KPRP: variants seen among roughly 807,000 people sequenced by gnomAD.
The protein encoded by KPRP is keratinocyte proline-rich protein.
For missense variants in KPRP, 820 were observed against 746.4 expected (o/e 1.10, Z -1.15); for synonymous variants, 282 against 276.9 (o/e 1.02, Z -0.18).
At chr1:152,761,369 ATGT>A in exon 1 of KPRP, 2 of 1,571,852 alleles carry the variant, frequency 1.3e-6, no homozygotes, top group Non-Finnish European at 8.6e-7. Context: ...TGCTCTGAAA[ATGT>A]TGTTCCTCCT....
exon 1 of KPRP, chr1:152,760,461 C>T (rs1651081130): frequency 6.2e-7 from 1 of 1,613,650 alleles, no homozygotes. Flanking sequence ...CTGAAGGTTT[C>T]CCTAACTACT....
chr1:152,761,012 G>C (rs186628909), exon 1 of KPRP: 3 of 1,612,532 alleles, frequency 1.9e-6, no homozygotes, highest in African/African-American at 2.7e-5. Context: ...CCTTGTCCAC[G>C]ACCAGAGCCA....
rs1198136245 is a variant in KPRP, at chr1:152,759,643, A to T, written c.55A>T (p.Lys19Ter). The change falls in exon 1 of 1, where the codon AAG becomes TAG. Residue 19 changes from lysine to a stop codon, truncating the protein, a stop_gained. Transcript: ENST00000606109. LOFTEE classifies it low-confidence loss of function (END_TRUNC). The stretch of plus-strand genomic sequence containing the variant: ...CCTGCCGCTCCAACAGTGCTGCGTC[A>T]AGGGTCCCTCCTTCTGCTCCTCTCA... 6.2e-7 allele frequency: 1 copy of T among 1,614,096 alleles called. No individual in the cohort carries two copies. Among genetic ancestry groups the T allele is most frequent in the South Asian group, 1.1e-5 (1 of 91,072 alleles).
At chr1:152,760,720 C>T (rs777255585) in exon 1 of KPRP, 1 of 1,614,050 alleles carries the variant, frequency 6.2e-7, no homozygotes, top group East Asian at 2.2e-5. Flanking sequence ...AGAGCCACGT[C>T]CACTCCCAAG....
At chr1:152,759,115 G>T (rs536665737), upstream of KPRP, among the ~76,000 whole-genome samples, 13 of 152,182 alleles carry the variant, frequency 8.5e-5, no homozygotes, top group African/African-American at 3.1e-4. Context: ...TCATATGTAC[G>T]TTCTTACATG....
exon 1 of KPRP, chr1:152,761,317 G>A: frequency 6.2e-7 from 1 of 1,612,530 alleles, no homozygotes; most frequent in Non-Finnish European, 8.5e-7. Flanking sequence ...AGCAAAGAGT[G>A]CTTATTTTTA....
At position 152,761,305 on chromosome 1, in the gene KPRP, G is replaced by T. The variant is rs761396577; in HGVS notation, c.1717G>T (p.Glu573Ter). Residue 573 changes from glutamate (E) to a stop codon, truncating the protein, a stop_gained, in exon 1 of 1, where the codon GAA (glutamate) becomes TAA (stop). Coordinates refer to ENST00000606109, the Ensembl canonical transcript of KPRP. LOFTEE classifies it high-confidence loss of function. ...CAATGCCTTTGCTGGAGTGAAAGGG[G>T]AAGCAAAGAGTGCTTATTTTTAAAG... 8.7e-6 allele frequency: 14 copies of T among 1,613,552 alleles called. No homozygotes were observed. In the African/African-American group the frequency reaches 1.9e-4, roughly 22 times the overall value.
exon 1 of KPRP, chr1:152,761,262 T>A: frequency 4.3e-6 from 7 of 1,614,134 alleles, no homozygotes; most frequent in Non-Finnish European, 5.9e-6. Flanking sequence ...GGGGTCAGGA[T>A]GGCCATGGAG....
exon 1 of KPRP, chr1:152,760,351 T>G: frequency 6.2e-7 from 1 of 1,614,182 alleles, no homozygotes; most frequent in South Asian, 1.1e-5. Flanking sequence ...CACCAGCAGA[T>G]GCCTTCCTCC....
rs772281400 is a variant in KPRP at position 152,760,273 on chromosome 1, C to T, written c.685C>T (p.Pro229Ser). 1.1e-5 allele frequency: 17 copies of T among 1,614,032 alleles called. 1 individual carries two copies. The South Asian group carries it at 1.5e-4, about 15-fold the overall frequency. The change falls in exon 1 of 1, where the codon CCC (proline) becomes TCC (serine). Residue 229 changes from proline to serine, a missense_variant. Physicochemically the swap from Pro to Ser is moderately conservative, Grantham distance 74 (BLOSUM62 -1). Coordinates refer to ENST00000606109, the Ensembl canonical transcript of KPRP. ...GTATCGGTCCCGGACTTCATTTAGTCCCTGTGTGCCCCAGTGCCAGACCCA... is the reference window on the plus strand; with the variant it reads ...GTATCGGTCCCGGACTTCATTTAGTTCCTGTGTGCCCCAGTGCCAGACCCA...
At chr1:152,760,725 C>T (rs1191021657) in exon 1 of KPRP, 2 of 1,613,968 alleles carry the variant, frequency 1.2e-6, no homozygotes, top group Non-Finnish European at 1.7e-6. Context: ...CACGTCCACT[C>T]CCAAGCTTCT....
exon 1 of KPRP, chr1:152,761,185 T>A (rs377626398): frequency 1.2e-6 from 2 of 1,614,128 alleles, no homozygotes; most frequent in East Asian, 2.2e-5. Flanking sequence ...CTGTGGCCCA[T>A]CCAGTTACAA....
chr1:152,759,629 A>G (rs113343037), exon 1 of KPRP: 1 of 1,614,034 alleles, frequency 6.2e-7, no homozygotes, highest in Non-Finnish European at 8.5e-7. Flanking sequence ...CTGCCGCTCC[A>G]ACAGTGCTGC....
upstream of KPRP, chr1:152,759,515 C>T: frequency 6.5e-7 from 1 of 1,537,282 alleles, no homozygotes; most frequent in South Asian, 1.3e-5. Context: ...TCCTGGCACC[C>T]CCTCTCCAAC....
At chr1:152,761,101 A>C in exon 1 of KPRP, 1 of 1,613,994 alleles carries the variant, frequency 6.2e-7, no homozygotes, top group Non-Finnish European at 8.5e-7. Context: ...CTGGGGCCCA[A>C]ATCCAGTTCC....
chr1:152,758,164 G>T (rs1488854192), upstream of KPRP, among the ~76,000 whole-genome samples: 2 of 152,204 alleles, frequency 1.3e-5, no homozygotes, highest in Non-Finnish European at 2.9e-5. Context: ...TAGGCACCAG[G>T]GAGGGCGAGG....
At chr1:152,759,954 C>G (rs757154193) in exon 1 of KPRP, 10 of 1,614,198 alleles carry the variant, frequency 6.2e-6, no homozygotes, top group Non-Finnish European at 8.5e-6. Context: ...ACGTGCAGTG[C>G]GAAGCGTCAC....
upstream of KPRP, chr1:152,759,416 T>A (rs376332452): frequency 2.1e-5 from 24 of 1,137,062 alleles, no homozygotes; most frequent in South Asian, 2.8e-4. Flanking sequence ...AACAGATTAA[T>A]CCTGGGTCGA....
chr1:152,758,381 AGG>A (rs1651006647), upstream of KPRP, among the ~76,000 whole-genome samples: 1 of 152,178 alleles, frequency 6.6e-6, no homozygotes. Context: ...TGTGTGTGGA[AGG>A]GTTACCTTCC....
Sources: allele counts gnomAD v4.1 joint callset (sites outside exome capture counted in the v4.1 genomes callset), GRCh38; gene constraint gnomAD v4.1.1; transcripts MANE v1.5; gene names NCBI Gene and HGNC (gene_info 2026-07-23, HGNC 2026-07-21).